LDLRAD4: variants seen among roughly 807,000 people sequenced by gnomAD.
LDLRAD4 encodes the protein low density lipoprotein receptor class A domain containing 4.
A neutral mutation model predicts 17.0 loss-of-function variants in LDLRAD4; 5 were observed. That is an observed-to-expected ratio of 0.29 (90% CI 0.15 to 0.62). LDLRAD4 has a LOEUF of 0.62. Among genes scored for constraint, LDLRAD4 ranks in the 20% least tolerant of loss-of-function variants. The pLI, the probability that LDLRAD4 is intolerant of heterozygous loss-of-function variation, is 0.84. For synonymous variants in LDLRAD4, 168 were observed against 171.8 expected, an observed-to-expected ratio of 0.98 and a Z score of 0.17; for missense variants, 340 against 424.7, an observed-to-expected ratio of 0.80 and a Z score of 1.75.
intron 1 of LDLRAD4, among the ~76,000 whole-genome samples, chr18:13,246,507 G>A (rs1447839812): frequency 6.6e-6 from 1 of 152,228 alleles, no homozygotes; most frequent in Non-Finnish European, 1.5e-5. Context: ...TGGCATGCTG[G>A]CCCTCCAGCT....
intron 3 of LDLRAD4, among the ~76,000 whole-genome samples, chr18:13,510,753 C>T (rs1255799215): frequency 1.3e-5 from 2 of 152,154 alleles, no homozygotes; most frequent in Non-Finnish European, 2.9e-5. Context: ...GTGTCAACAC[C>T]TGTTAAGTTT....
chr18:13,475,427 A>ATTT (rs35255496), intron 3 of LDLRAD4, among the ~76,000 whole-genome samples: 1,327 of 130,996 alleles, frequency 0.01, 36 homozygotes, highest in South Asian at 0.015. Context: ...CACCCCGCTG[A>ATTT]TTTTTTTTTT....
intron 3 of LDLRAD4, among the ~76,000 whole-genome samples, chr18:13,558,677 A>G (rs1450221496): frequency 6.6e-6 from 1 of 152,228 alleles, no homozygotes; most frequent in Non-Finnish European, 1.5e-5. Context: ...GTAATCTTCC[A>G]TAGGAGTTAC....
At chr18:13,407,033 C>T (rs541089420) in intron 2 of LDLRAD4, among the ~76,000 whole-genome samples, 1 of 152,262 alleles carries the variant, frequency 6.6e-6, no homozygotes, top group African/African-American at 2.4e-5. Context: ...CTTAGCACGG[C>T]GTGGCGGGCT....
At chr18:13,612,239 T>C in intron 3 of LDLRAD4, 1 of 994,116 alleles carries the variant, frequency 1.0e-6, no homozygotes, top group Non-Finnish European at 1.2e-6. Flanking sequence ...TGCGTTCTGC[T>C]TGCCTGTGTG....
At chr18:13,519,747 C>T (rs896031932) in intron 3 of LDLRAD4, 1 of 152,150 alleles carries the variant, frequency 6.6e-6, no homozygotes, top group African/African-American at 2.4e-5. Context: ...GCCTGGGTGA[C>T]AGAAGGAGAC....
chr18:13,460,812 T>C (rs760890323), intron 3 of LDLRAD4, among the ~76,000 whole-genome samples: 19 of 152,180 alleles, frequency 1.2e-4, no homozygotes, highest in Non-Finnish European at 2.1e-4. Context: ...CTTCCTAAGA[T>C]AAACACAAAA....
intron 3 of LDLRAD4, among the ~76,000 whole-genome samples, chr18:13,576,094 A>T (rs2094765539): frequency 6.6e-6 from 1 of 152,094 alleles, no homozygotes; most frequent in South Asian, 2.1e-4. Context: ...TTTGGGGAGG[A>T]TATTTTGTCT....
chr18:13,476,117 T>C (rs1417336467), intron 3 of LDLRAD4, among the ~76,000 whole-genome samples: 1 of 152,160 alleles, frequency 6.6e-6, no homozygotes, highest in Admixed American at 6.5e-5. Flanking sequence ...AAACTCGGTA[T>C]GTTGGCACAT....
intron 1 of LDLRAD4, among the ~76,000 whole-genome samples, chr18:13,333,208 A>C (rs73421312): frequency 6.6e-6 from 1 of 152,132 alleles, no homozygotes; most frequent in African/African-American, 2.4e-5. Flanking sequence ...GGCCATCTCT[A>C]TATCTTTGAG....
intron 1 of LDLRAD4, among the ~76,000 whole-genome samples, chr18:13,243,243 G>A (rs1437968207): frequency 1.3e-5 from 2 of 152,220 alleles, no homozygotes; most frequent in African/African-American, 4.8e-5. Context: ...GAGCCAAGGA[G>A]CTGAGTTGTC....
chr18:13,256,880 C>T (rs1186110363), intron 1 of LDLRAD4, among the ~76,000 whole-genome samples: 4 of 152,104 alleles, frequency 2.6e-5, no homozygotes, highest in African/African-American at 4.8e-5. Flanking sequence ...GTTGTTGGAA[C>T]GAAGTTGCCA....
chr18:13,545,732 C>G (rs919542587), intron 3 of LDLRAD4, among the ~76,000 whole-genome samples: 2 of 152,194 alleles, frequency 1.3e-5, no homozygotes, highest in African/African-American at 4.8e-5. Flanking sequence ...GCCAAGCAAG[C>G]TAATTTATGA....
At chr18:13,235,690 C>A (rs1402891257) in intron 1 of LDLRAD4, among the ~76,000 whole-genome samples, 1 of 152,234 alleles carries the variant, frequency 6.6e-6, no homozygotes, top group Non-Finnish European at 1.5e-5. Context: ...GTTGCATATG[C>A]GATCGGCTTT....
At chr18:13,322,290 CTT>C (rs370707500) in intron 1 of LDLRAD4, among the ~76,000 whole-genome samples, 2 of 109,740 alleles carry the variant, frequency 1.8e-5, no homozygotes, top group East Asian at 2.9e-4. Context: ...ACTTTTCTCA[CTT>C]TTTTTTTTTT....
chr18:13,430,236 A>G (rs1407647102), intron 2 of LDLRAD4, among the ~76,000 whole-genome samples: 2 of 152,194 alleles, frequency 1.3e-5, no homozygotes, highest in African/African-American at 4.8e-5. Flanking sequence ...TATGGTCCTC[A>G]TCACCCACAG....
intron 3 of LDLRAD4, among the ~76,000 whole-genome samples, chr18:13,524,739 C>T (rs1216686622): frequency 6.6e-6 from 1 of 152,200 alleles, no homozygotes; most frequent in Non-Finnish European, 1.5e-5. Flanking sequence ...TATTTCAGCT[C>T]CCTGCAAAGG....
chr18:13,252,951 C>T (rs561780776), intron 1 of LDLRAD4, among the ~76,000 whole-genome samples: 3 of 152,182 alleles, frequency 2.0e-5, no homozygotes, highest in African/African-American at 2.4e-5. Flanking sequence ...AGCTGTACCA[C>T]GAGGCTTCTG....
chr18:13,449,712 T>C (rs191389185), intron 3 of LDLRAD4, among the ~76,000 whole-genome samples: 2 of 152,354 alleles, frequency 1.3e-5, no homozygotes, highest in Admixed American at 1.3e-4. Context: ...GCATCTGTTA[T>C]TTGCTTTATT....
Sources: gnomAD v4.1 joint callset for allele counts (sites outside exome capture counted in the v4.1 genomes callset) on GRCh38, gnomAD v4.1.1 for gene constraint, MANE v1.5 for transcripts, NCBI Gene and HGNC (gene_info 2026-07-23, HGNC 2026-07-21) for gene names.